PTBP3: variants seen among roughly 807,000 people sequenced by gnomAD.
PTBP3 encodes polypyrimidine tract binding protein 3.
A neutral mutation model predicts 58.7 loss-of-function variants in PTBP3; 20 were observed. The observed-to-expected ratio is 0.34, with a 90% CI of 0.24 to 0.50. The LOEUF is 0.50. PTBP3 is among the 20% of genes least tolerant of loss of function. The probability of loss-of-function intolerance (pLI) is 0.98; values close to 1 mark genes in which losing one functional copy is unlikely to be tolerated. For missense variants in PTBP3, 509 were observed against 637.2 expected (o/e 0.80, Z 2.17); for synonymous variants, 185 against 219.8 (o/e 0.84, Z 1.40).
At chr9:112,351,578 T>C in the PTBP3 span, among the ~76,000 whole-genome samples, 1 of 152,252 alleles carries the variant, frequency 6.6e-6, no homozygotes, top group African/African-American at 2.4e-5. Flanking sequence ...CTCTACTTCC[T>C]TGAGTAAGCA....
intron 1 of PTBP3, among the ~76,000 whole-genome samples, chr9:112,307,553 A>G (rs1829274792): frequency 6.6e-6 from 1 of 152,228 alleles, no homozygotes; most frequent in African/African-American, 2.4e-5. Flanking sequence ...TGAAGCAATT[A>G]TGACACTTTT....
chr9:112,298,422 T>C (rs2132317228), intron 1 of PTBP3: 1 of 303,014 alleles, frequency 3.3e-6, no homozygotes. Flanking sequence ...TCTTAAACAA[T>C]TGTTTAAGTA....
chr9:112,240,500 A>T (rs1835612005), intron 7 of PTBP3, among the ~76,000 whole-genome samples: 1 of 152,158 alleles, frequency 6.6e-6, no homozygotes. Context: ...ATAAAACTCT[A>T]TAAAAGTACA....
intron 2 of PTBP3, among the ~76,000 whole-genome samples, chr9:112,290,707 T>TACACACACAAACACACACACAC (rs55862558): frequency 1.1e-4 from 12 of 110,958 alleles, no homozygotes; most frequent in East Asian, 2.8e-4. Flanking sequence ...TATATATATA[T>TACACACACAAACACACACACAC]ACACACACAC....
At chr9:112,297,581 A>G (rs1828744290) in intron 2 of PTBP3, among the ~76,000 whole-genome samples, 1 of 152,172 alleles carries the variant, frequency 6.6e-6, no homozygotes, top group Non-Finnish European at 1.5e-5. Context: ...TTTTTATCAA[A>G]ATTATGTAAC....
intron 7 of PTBP3, among the ~76,000 whole-genome samples, chr9:112,246,565 C>T (rs1394635873): frequency 6.6e-6 from 1 of 151,218 alleles, no homozygotes; most frequent in South Asian, 2.1e-4. Flanking sequence ...TAGTGGCGGG[C>T]ACCTGTAGTC....
intron 1 of PTBP3, among the ~76,000 whole-genome samples, chr9:112,316,971 CAA>C (rs1265773927): frequency 1.9e-5 from 2 of 104,646 alleles, no homozygotes; most frequent in African/African-American, 3.6e-5. Context: ...GACACCATCT[CAA>C]AAAAAAAAAA....
intron 2 of PTBP3, among the ~76,000 whole-genome samples, chr9:112,283,265 A>G (rs544767007): frequency 6.6e-6 from 1 of 152,330 alleles, no homozygotes; most frequent in Admixed American, 6.5e-5. Flanking sequence ...AGGTTGGAAC[A>G]GTTTGGAGGG....
chr9:112,262,012 G>A (rs933244208), intron 5 of PTBP3, among the ~76,000 whole-genome samples: 1 of 152,004 alleles, frequency 6.6e-6, no homozygotes, highest in Non-Finnish European at 1.5e-5. Flanking sequence ...TATTTAACAT[G>A]GTATATTCAT....
rs139430637 is a variant in PTBP3, at chr9:112,221,767, T to C, written c.*2084A>G. ...TTCTATTCTACCAACTAAGTGTTGC[T>C]CAGTGGTGAGTGAATTCTGCTTTTT... On this transcript the variant is annotated 3_prime_UTR_variant, in exon 14 of 14. Transcript: ENST00000374257. 1.0e-6 allele frequency: 1 copy of C among 985,352 alleles called. No homozygotes were observed. The allele number at this position is 985,352 out of a possible 1,614,324, so 61.0% of individuals were successfully genotyped here.
rs2132130558 is a variant in PTBP3, at chr9:112,262,483, T to C, written c.468A>G (p.Ile156Met). The C allele has an allele frequency of 6.2e-7, 1 of 1,610,236 alleles. No homozygotes were observed. Among genetic ancestry groups the C allele is most frequent in the South Asian group, 1.1e-5 (1 of 90,144 alleles). ...CAGGGTAAAAGAGGTTTTCAATAAT[T>C]ATTCGAAGCACAGGGCTCTGCCCAG... ...VLPGQSPVLRIIIENLFYPVT... is the reference protein window; with the variant it reads ...VLPGQSPVLRMIIENLFYPVT... Residue 156 changes from isoleucine (I) to methionine (M), a missense_variant, in exon 5 of 14, where the codon ATA becomes ATG. Ile to Met is a conservative substitution (Grantham distance 10). Transcript: ENST00000374257.
intron 6 of PTBP3, 107 bp downstream of exon 6, chr9:112,252,571 G>A: frequency 3.8e-6 from 3 of 779,780 alleles, no homozygotes; most frequent in Non-Finnish European, 4.3e-6. Context: ...TGGTAAACAT[G>A]TATATTTTGC....
At chr9:112,331,030 T>C (rs1434992320) in intron 1 of PTBP3, among the ~76,000 whole-genome samples, 1 of 151,456 alleles carries the variant, frequency 6.6e-6, no homozygotes, top group East Asian at 1.9e-4. Context: ...TTAAAAATAT[T>C]CTATCACGTC....
intron 10 of PTBP3, among the ~76,000 whole-genome samples, chr9:112,228,850 C>T (rs1835093537): frequency 6.6e-6 from 1 of 152,196 alleles, no homozygotes; most frequent in Admixed American, 6.5e-5. Flanking sequence ...ATCACCAGCA[C>T]CCATTGATTC....
At chr9:112,259,450 T>C (rs1020492877) in intron 5 of PTBP3, among the ~76,000 whole-genome samples, 2 of 152,236 alleles carry the variant, frequency 1.3e-5, no homozygotes, top group African/African-American at 4.8e-5. Context: ...ACCAGCCTTC[T>C]TTCTGATACT....
chr9:112,332,322 T>G (rs1830408195), intron 1 of PTBP3, among the ~76,000 whole-genome samples: 1 of 152,234 alleles, frequency 6.6e-6, no homozygotes, highest in Non-Finnish European at 1.5e-5. Flanking sequence ...TCATATACAC[T>G]TAATATTGTG....
chr9:112,304,700 G>A (rs570730831), intron 1 of PTBP3, among the ~76,000 whole-genome samples: 7 of 152,244 alleles, frequency 4.6e-5, no homozygotes, highest in South Asian at 4.2e-4. Flanking sequence ...CATGTAGCTA[G>A]GACTAGAGGC....
At chr9:112,358,034 G>A in the PTBP3 span, among the ~76,000 whole-genome samples, 5 of 152,110 alleles carry the variant, frequency 3.3e-5, no homozygotes, top group Admixed American at 2.6e-4. Context: ...TTGGCCAGGC[G>A]CGGTGGCTCA....
chr9:112,259,541 CAT>C (rs1242010676), intron 5 of PTBP3, among the ~76,000 whole-genome samples: 1 of 152,196 alleles, frequency 6.6e-6, no homozygotes, highest in African/African-American at 2.4e-5. Context: ...TCCACATACA[CAT>C]ATAACTTATA....
Sources: allele counts gnomAD v4.1 joint callset (sites outside exome capture counted in the v4.1 genomes callset), GRCh38; gene constraint gnomAD v4.1.1; transcripts MANE v1.5; gene names NCBI Gene and HGNC (gene_info 2026-07-23, HGNC 2026-07-21).